The following GPSM1 variants were observed in gnomAD, a reference collection of about 807,000 sequenced individuals.
The protein encoded by GPSM1 is G protein signaling modulator 1.
In GPSM1, 48 loss-of-function variants were observed where a neutral mutation model predicts 70.5. That is an observed-to-expected ratio of 0.68 (90% CI 0.54 to 0.87). GPSM1 has a LOEUF of 0.87. Ranked by LOEUF, GPSM1 falls within the 40% of genes least tolerant of loss-of-function variation. GPSM1 has a pLI of 0.00. For synonymous variants in GPSM1, 416 were observed against 430.1 expected (o/e 0.97, Z 0.41); for missense variants, 981 against 972.6 (o/e 1.01, Z -0.11).
At chr9:136,345,229 G>T (rs115636313) in intron 9 of GPSM1, among the ~76,000 whole-genome samples, 2,022 of 152,318 alleles carry the variant, frequency 0.013, 48 homozygotes, top group African/African-American at 0.047. Context: ...TCTGGAGCTG[G>T]GTGAGGACAG....
At position 136,341,527 on chromosome 9, in the gene GPSM1, C is replaced by G; in HGVS notation, c.1207+534C>G. The G allele has an allele frequency of 3.5e-6, 4 of 1,136,404 alleles. No individual in the cohort carries two copies. The highest frequency in any genetic ancestry group is 4.3e-6 in the Non-Finnish European group (4 of 923,454). 70.4% of individuals were successfully genotyped at this position (1,136,404 alleles called of 1,614,324 possible). A position where few individuals can be genotyped will look rare whatever the true frequency, so the allele number is the denominator to read the frequency against. Reference sequence around the variant, plus strand: ...GCAGTGCTGCAGACACAGGACAGAACGTCCCCTGCAAAGCGAAAAGACTAA... The same window carrying G: ...GCAGTGCTGCAGACACAGGACAGAAGGTCCCCTGCAAAGCGAAAAGACTAA... On this transcript the variant is annotated intron_variant, in intron 9 of 13. Transcript: ENST00000440944. This position sits in a 1 kb window ranked among gnomAD's most constrained non-coding sequence, Gnocchi z 6.7.
rs1588713797 is a variant in GPSM1, at chr9:136,358,576, A to C, written c.*356A>C. On this transcript the variant is annotated 3_prime_UTR_variant, in exon 14 of 14. Transcript: ENST00000440944. ...AATGTGAAACCCTGCTGTCTCCCCCACCCTCCCCAAAGGTGTCTCTGAGCC... is the reference window on the plus strand; with the variant it reads ...AATGTGAAACCCTGCTGTCTCCCCCCCCCTCCCCAAAGGTGTCTCTGAGCC... 1.0e-5 allele frequency: 4 copies of C among 382,836 alleles called. No homozygotes were observed. Among genetic ancestry groups the C allele is most frequent in the African/African-American group, 2.2e-5 (1 of 44,906 alleles). The allele number at this position is 382,836 out of a possible 1,614,324, so 23.7% of individuals were successfully genotyped here.
chr9:136,339,622 TG>T, intron 7 of GPSM1, 84 bp from the exon 8 acceptor site: 1 of 933,094 alleles, frequency 1.1e-6, no homozygotes, highest in Non-Finnish European at 1.7e-6. Context: ...AGGGTCATGC[TG>T]GGGCCGTGAC....
chr9:136,333,810 G>C (rs1464873836), intron 1 of GPSM1, among the ~76,000 whole-genome samples: 4 of 152,182 alleles, frequency 2.6e-5, no homozygotes, highest in African/African-American at 7.2e-5. Flanking sequence ...CAGGAGGAGA[G>C]GGGCTGGGAC....
In GPSM1 at chr9:136,338,553, A is replaced by G. The variant is rs782457034; in HGVS notation, c.819-2A>G. 1.2e-6 allele frequency: 2 copies of G among 1,610,120 alleles called. No individual in the cohort carries two copies. Among genetic ancestry groups the G allele is most frequent in the African/African-American group, 1.3e-5 (1 of 75,024 alleles). ...GGGGGCTGACCCTGCCACTCTGCACAGGAAGACGCTGCAACTGTCTCGGCA... is the reference window on the plus strand; with the variant it reads ...GGGGGCTGACCCTGCCACTCTGCACGGGAAGACGCTGCAACTGTCTCGGCA... On this transcript the variant is annotated splice_acceptor_variant, in intron 6 of 13. Coordinates refer to ENST00000440944, the MANE Select transcript of GPSM1 (RefSeq NM_001145638.3). LOFTEE classifies it high-confidence loss of function.
At position 136,348,603 on chromosome 9, in the gene GPSM1, G is replaced by A. The variant is rs571129925; in HGVS notation, c.1208-94G>A. On this transcript the variant is annotated intron_variant, in intron 9 of 13. Coordinates refer to ENST00000440944, the MANE Select transcript of GPSM1 (RefSeq NM_001145638.3). ...GGCTGGCTGTCAGAAAGCCATGGCC[G>A]GGCTGGTCCTTGGCCCCCCAGAGAC... 86 of 882,292 alleles carry A rather than the reference G, an allele frequency of 9.7e-5. No individual in the cohort carries two copies. In the South Asian group the frequency reaches 1.3e-3, roughly 13 times the overall value. 54.7% of individuals were successfully genotyped at this position (882,292 alleles called of 1,614,324 possible). A position where few individuals can be genotyped will look rare whatever the true frequency, so the allele number is the denominator to read the frequency against.
rs1017450734 is a variant in GPSM1, at chr9:136,355,857, C to T, written c.1612+11C>T. On this transcript the variant is annotated intron_variant, in intron 12 of 13. Transcript: ENST00000440944. ...TGGAGGACAGGATCGGTGAGTGCCC[C>T]CCTCAGCCGGGCCCTCCCTTGGGCT... is the stretch of plus-strand genomic sequence containing the variant. The T allele has an allele frequency of 6.3e-7, 1 of 1,597,350 alleles. No individual in the cohort carries two copies. The highest frequency in any genetic ancestry group is 1.1e-5 in the South Asian group (1 of 90,458).
rs1554770016 is a variant in GPSM1, at chr9:136,340,533, C to T, written c.1084-337C>T. On this transcript the variant is annotated intron_variant, in intron 8 of 13. Coordinates refer to ENST00000440944, the MANE Select transcript of GPSM1 (RefSeq NM_001145638.3). This position sits in a 1 kb window ranked among gnomAD's most constrained non-coding sequence, Gnocchi z 7.3. Reference sequence around the variant, plus strand: ...GGGAGGGTCCCCCACAGAGCCTCGGCGCACAAGGCAGGGGCTGAGAGAGGT... The same window carrying T: ...GGGAGGGTCCCCCACAGAGCCTCGGTGCACAAGGCAGGGGCTGAGAGAGGT... Among the ~76,000 whole-genome samples, 1 of 152,024 alleles carries T rather than the reference C, an allele frequency of 6.6e-6. No individual in the cohort carries two copies. The highest frequency in any genetic ancestry group is 1.9e-4 in the East Asian group (1 of 5,168).
At chr9:136,330,056 CA>C (rs1219820639) in intron 1 of GPSM1, among the ~76,000 whole-genome samples, 2 of 152,150 alleles carry the variant, frequency 1.3e-5, no homozygotes, top group East Asian at 3.9e-4. Context: ...GCCCACTTGC[CA>C]GGGGCTCCCT....
chr9:136,350,185 C>T (rs567628696), intron 11 of GPSM1, among the ~76,000 whole-genome samples: 18 of 152,362 alleles, frequency 1.2e-4, no homozygotes, highest in African/African-American at 4.1e-4. Context: ...GTCACAGGAG[C>T]GTGTCCCTGA....
At chr9:136,356,988 A>G (rs1170886155) in intron 13 of GPSM1, among the ~76,000 whole-genome samples, 1 of 152,192 alleles carries the variant, frequency 6.6e-6, no homozygotes, top group African/African-American at 2.4e-5. Context: ...GTGGGACAAA[A>G]ACAGGGACCA....
chr9:136,349,792 C>T (rs782281512), intron 11 of GPSM1, 29 bp downstream of exon 11: 33 of 1,536,656 alleles, frequency 2.1e-5, no homozygotes, highest in Non-Finnish European at 2.7e-5. Flanking sequence ...AGATCCAGGC[C>T]GAGAGGGAGG....
intron 5 of GPSM1, 63 bp from the exon 6 acceptor site, chr9:136,337,783 G>A (rs1832281116): frequency 1.5e-6 from 2 of 1,316,414 alleles, no homozygotes; most frequent in African/African-American, 1.4e-5. Flanking sequence ...GGCAGCCCCT[G>A]TCCGCCCACG....
chr9:136,328,950 C>G (rs2131389009), intron 1 of GPSM1, among the ~76,000 whole-genome samples: 1 of 152,348 alleles, frequency 6.6e-6, no homozygotes, highest in Middle Eastern at 3.4e-3. Flanking sequence ...GATAGCAGCC[C>G]TGGCTGGAGT....
intron 13 of GPSM1, among the ~76,000 whole-genome samples, chr9:136,357,559 G>T (rs1195254735): frequency 1.3e-5 from 2 of 152,244 alleles, no homozygotes; most frequent in African/African-American, 4.8e-5. Flanking sequence ...AAGCCCTGGG[G>T]GGCGCCACAC....
In GPSM1 at chr9:136,346,124, G is replaced by A. The variant is rs1301460444; in HGVS notation, c.1208-2573G>A. 1.1e-4 allele frequency among the ~76,000 whole-genome samples: 16 copies of A among 152,252 alleles called. 1 individual carries two copies. The highest frequency in any genetic ancestry group is 6.5e-4 in the Admixed American group (10 of 15,302). On this transcript the variant is annotated intron_variant, in intron 9 of 13. Coordinates refer to ENST00000440944, the MANE Select transcript of GPSM1 (RefSeq NM_001145638.3). ...TGCTCAGGCCCCTGATGGGCCCCAC[G>A]TGTGCCTCTGGCCGCACAGGTTTCC... is the stretch of plus-strand genomic sequence containing the variant.
rs1245597291 is a variant in GPSM1 at position 136,340,911 on chromosome 9, G to A, written c.1125G>A (p.Val375=). ...GGGAGCTCACGGCCCGCATGAACGTGGCGCAGCTGCAGCTGGTGCTCGGCC... is the reference window on the plus strand; with the variant it reads ...GGGAGCTCACGGCCCGCATGAACGTAGCGCAGCTGCAGCTGGTGCTCGGCC... ...RHGELTARMN[V]AQLQLVLGRL... is the part of the protein sequence containing the mutation. The change falls in exon 9 of 14, where the codon GTG becomes GTA. Residue 375 remains valine (V), a synonymous_variant. Coordinates refer to ENST00000440944, the MANE Select transcript of GPSM1 (RefSeq NM_001145638.3). The surrounding 1 kb of genome is among the most constrained non-coding windows in gnomAD (Gnocchi z 7.3). 6.3e-7 allele frequency: 1 copy of A among 1,575,780 alleles called. No homozygotes were observed.
intron 1 of GPSM1, among the ~76,000 whole-genome samples, chr9:136,333,572 C>A (rs1436307555): frequency 2.0e-5 from 3 of 152,212 alleles, no homozygotes; most frequent in African/African-American, 7.2e-5. Context: ...TCTCTAAAGT[C>A]CCTGCCCGAA....
chr9:136,354,973 G>T, intron 11 of GPSM1: 1 of 1,072,698 alleles, frequency 9.3e-7, no homozygotes, highest in Non-Finnish European at 1.1e-6. Context: ...CTGGACTGGG[G>T]TAGCACCCAT....
Sources: gnomAD v4.1 joint callset for allele counts (sites outside exome capture counted in the v4.1 genomes callset) on GRCh38, gnomAD v4.1.1 for gene constraint, Gnocchi (gnomAD v3.1) non-coding constraint, MANE v1.5 for transcripts, NCBI Gene and HGNC (gene_info 2026-07-23, HGNC 2026-07-21) for gene names.